RERG: variants seen among roughly 807,000 people sequenced by gnomAD.
RERG encodes the protein ras-related and estrogen-regulated growth inhibitor.
A neutral mutation model predicts 23.2 loss-of-function variants in RERG; 25 were observed. That is an observed-to-expected ratio of 1.08 (90% CI 0.79 to 1.50). RERG has a LOEUF of 1.50. Ranked by LOEUF, RERG falls within the 40% of genes most tolerant of loss-of-function variation. The pLI is 0.00. For missense variants in RERG, 253 were observed against 250.1 expected, an observed-to-expected ratio of 1.01 and a Z score of -0.08; for synonymous variants, 81 against 89.1, an observed-to-expected ratio of 0.91 and a Z score of 0.51.
chr12:15,163,622 A>T (rs1277617224), intron 2 of RERG, among the ~76,000 whole-genome samples: 1 of 152,222 alleles, frequency 6.6e-6, no homozygotes, highest in Non-Finnish European at 1.5e-5. Context: ...TAATCAAGGG[A>T]AATTATTATC....
chr12:15,171,206 C>A lies in RERG; in HGVS notation c.61+46223G>T, dbSNP rs571183290. On this transcript the variant is annotated intron_variant, in intron 2 of 4. Transcript: ENST00000256953. ...GCTGGCGGTCAGAGCTGGTGTTGGA[C>A]CTTCCTACTGCCAAGTATGAGTTGA... Among the ~76,000 whole-genome samples, 18 of 152,320 alleles carry A rather than the reference C, an allele frequency of 1.2e-4. No individual in the cohort carries two copies. In the South Asian group the frequency reaches 3.1e-3, roughly 26 times the overall value.
intron 2 of RERG, among the ~76,000 whole-genome samples, chr12:15,199,619 T>C (rs1457633066): frequency 6.6e-6 from 1 of 152,196 alleles, no homozygotes; most frequent in Non-Finnish European, 1.5e-5. Context: ...AATCCATAGA[T>C]GATTTAGGTT....
intron 2 of RERG, among the ~76,000 whole-genome samples, chr12:15,150,352 C>T (rs914720415): frequency 5.3e-5 from 8 of 152,070 alleles, no homozygotes; most frequent in African/African-American, 9.7e-5. Context: ...CTTTATAGAC[C>T]GTCAAATGTA....
chr12:15,110,672 A>T (rs905696994), intron 4 of RERG, among the ~76,000 whole-genome samples: 1 of 150,856 alleles, frequency 6.6e-6, no homozygotes, highest in Admixed American at 6.6e-5. Context: ...TAGAGACGGG[A>T]TTTCACCATG....
intron 2 of RERG, among the ~76,000 whole-genome samples, chr12:15,158,454 G>A (rs566457292): frequency 6.6e-6 from 1 of 151,764 alleles, no homozygotes; most frequent in Non-Finnish European, 1.5e-5. Context: ...GCTAATTTTT[G>A]CATTTTTTTA....
At chr12:15,170,498 T>G (rs764154203) in intron 2 of RERG, among the ~76,000 whole-genome samples, 35 of 152,202 alleles carry the variant, frequency 2.3e-4, no homozygotes, top group Non-Finnish European at 5.1e-4. Flanking sequence ...GTTGTGATCT[T>G]CAGGATTACT....
intron 2 of RERG, among the ~76,000 whole-genome samples, chr12:15,127,356 T>A (rs1430750387): frequency 6.6e-6 from 1 of 152,250 alleles, no homozygotes; most frequent in Non-Finnish European, 1.5e-5. Context: ...ATTGCTATTG[T>A]GCTTGGGCCT....
At chr12:15,159,937 C>T (rs1256334001) in intron 2 of RERG, among the ~76,000 whole-genome samples, 1 of 151,950 alleles carries the variant, frequency 6.6e-6, no homozygotes, top group African/African-American at 2.4e-5. Context: ...TGGCCTAAGA[C>T]AATTAAGAAA....
intron 2 of RERG, among the ~76,000 whole-genome samples, chr12:15,134,262 A>G (rs1225988020): frequency 6.6e-6 from 1 of 152,016 alleles, no homozygotes; most frequent in Non-Finnish European, 1.5e-5. Context: ...TTTTGAGTTA[A>G]TTTTTGTGAC....
chr12:15,171,990 T>TAAC (rs1864784436), intron 2 of RERG, among the ~76,000 whole-genome samples: 1 of 152,208 alleles, frequency 6.6e-6, no homozygotes, highest in South Asian at 2.1e-4. Context: ...AAGAGATAAT[T>TAAC]AACATATCAC....
At chr12:15,203,088 CCTG>C (rs1434564940) in intron 2 of RERG, among the ~76,000 whole-genome samples, 1 of 151,662 alleles carries the variant, frequency 6.6e-6, no homozygotes, top group Non-Finnish European at 1.5e-5. Flanking sequence ...TTTTCAAATA[CCTG>C]CTGGCCATAT....
chr12:15,158,718 G>A (rs1351043027), intron 2 of RERG, among the ~76,000 whole-genome samples: 1 of 152,162 alleles, frequency 6.6e-6, no homozygotes, highest in Non-Finnish European at 1.5e-5. Context: ...ATTAGATTCG[G>A]ATTAGGTATT....
At chr12:15,164,433 G>A (rs1864657343) in intron 2 of RERG, among the ~76,000 whole-genome samples, 1 of 152,160 alleles carries the variant, frequency 6.6e-6, no homozygotes, top group South Asian at 2.1e-4. Flanking sequence ...CCACTTCCAA[G>A]GGACATGAAC....
At chr12:15,186,841 C>T (rs1160640789) in intron 2 of RERG, among the ~76,000 whole-genome samples, 1 of 152,114 alleles carries the variant, frequency 6.6e-6, no homozygotes, top group East Asian at 1.9e-4. Context: ...TGGGAAGAGT[C>T]GATGGCCCTG....
intron 2 of RERG, among the ~76,000 whole-genome samples, chr12:15,148,981 G>C (rs1864389475): frequency 6.9e-6 from 1 of 144,990 alleles, no homozygotes; most frequent in African/African-American, 2.5e-5. Context: ...CCATTCTCCT[G>C]CCTCAGCCTC....
intron 2 of RERG, among the ~76,000 whole-genome samples, chr12:15,194,623 A>C (rs1865118085): frequency 6.6e-6 from 1 of 152,070 alleles, no homozygotes; most frequent in Non-Finnish European, 1.5e-5. Context: ...GTTGCTTAAA[A>C]TCTTGGAGCC....
chr12:15,137,890 G>T, intron 2 of RERG: 1 of 445,768 alleles, frequency 2.2e-6, no homozygotes, highest in Non-Finnish European at 4.5e-6. Flanking sequence ...CAGTTTCTGA[G>T]ATGTATCATT....
intron 1 of RERG, 25 bp from the exon 2 acceptor site, chr12:15,217,628 T>C: frequency 1.5e-6 from 1 of 658,144 alleles, no homozygotes; most frequent in South Asian, 1.8e-5. Context: ...ATTTGGGAAT[T>C]CATAAGTGAC....
intron 2 of RERG, chr12:15,138,253 C>A (rs1239219764): frequency 2.4e-5 from 4 of 163,600 alleles, no homozygotes; most frequent in African/African-American, 9.6e-5. Context: ...TCAAATACTT[C>A]TCTTATTTCC....
Sources: allele counts gnomAD v4.1 joint callset (sites outside exome capture counted in the v4.1 genomes callset), GRCh38; gene constraint gnomAD v4.1.1; transcripts MANE v1.5; gene names NCBI Gene and HGNC (gene_info 2026-07-23, HGNC 2026-07-21).